The following NCOA1 variants were observed in gnomAD, a reference collection of about 807,000 sequenced individuals.
NCOA1 encodes Hin-2 protein.
NCOA1 carries 35 observed loss-of-function variants against 150.9 expected under a neutral mutation model. The observed-to-expected ratio is 0.23, with a 90% confidence interval of 0.18 to 0.31. The LOEUF (loss-of-function observed/expected upper bound fraction) is 0.31, where lower values mean the gene tolerates loss of function less well. Among genes scored for constraint, NCOA1 ranks in the 10% least tolerant of loss-of-function variants. NCOA1 has a pLI of 1.00. For synonymous variants in NCOA1, 590 were observed against 630.0 expected, an observed-to-expected ratio of 0.94 and a Z score of 0.95; for missense variants, 1,491 against 1,749.3, an observed-to-expected ratio of 0.85 and a Z score of 2.63.
chr2:24,658,335 C>T lies in NCOA1; in HGVS notation c.-17-326C>T, dbSNP rs951110205. On this transcript the variant is annotated intron_variant, in intron 4 of 22. Coordinates refer to ENST00000348332, the MANE Select transcript of NCOA1 (RefSeq NM_003743.5). ...TCAACATTCGGCTTCTACATTTACA[C>T]GTGAAAATGATTATTTTCTCTTTGG... Among the ~76,000 whole-genome samples, 12 of 152,118 alleles carry T rather than the reference C, an allele frequency of 7.9e-5. 1 individual carries two copies. Among genetic ancestry groups the T allele is most frequent in the Admixed American group, 7.2e-4 (11 of 15,288 alleles).
Position 24,492,965 on chromosome 2 carries a change from C to CAAAAAAAAA in NCOA1, c.-396+1364_-396+1372dup, listed in dbSNP as rs10630950. On this transcript the variant is annotated intron_variant, in intron 1 of 22. Coordinates refer to ENST00000348332, the MANE Select transcript of NCOA1 (RefSeq NM_003743.5). ...TCTGGAATTGGTTGGAGGCTAGTCT[C>CAAAAAAAAA]AAAAAAAAAGCAAACAAAACAACAA... Among the ~76,000 whole-genome samples the CAAAAAAAAA allele has an allele frequency of 2.9e-3, 418 of 145,164 alleles. 3 individuals are homozygous for CAAAAAAAAA. The highest frequency in any genetic ancestry group is 9.7e-3 in the South Asian group (45 of 4,660).
intron 8 of NCOA1, among the ~76,000 whole-genome samples, chr2:24,689,685 G>C (rs1025781): frequency 0.75 from 114,582 of 152,172 alleles, 45,038 homozygotes; most frequent in Non-Finnish European, 0.85. Flanking sequence ...GCCGCCACGC[G>C]TGGCACAAAT....
intron 19 of NCOA1, among the ~76,000 whole-genome samples, chr2:24,745,961 C>T (rs1394840401): frequency 6.6e-6 from 1 of 152,214 alleles, no homozygotes; most frequent in Non-Finnish European, 1.5e-5. Context: ...TATATCTCCT[C>T]TGCAGAGTCT....
rs1667205964 is a variant in NCOA1, at chr2:24,581,818, A to G, written c.-259-2658A>G. 2.0e-5 allele frequency among the ~76,000 whole-genome samples: 3 copies of G among 152,210 alleles called. No homozygotes were observed. The South Asian group carries it at 6.2e-4, about 32-fold the overall frequency. ...ATGGTTCAACATATGCAAATCAATA[A>G]AAGTGATTCATCATATCAACAGAAT... On this transcript the variant is annotated intron_variant, in intron 2 of 22. Coordinates refer to ENST00000348332, the MANE Select transcript of NCOA1 (RefSeq NM_003743.5).
chr2:24,605,875 C>G (rs1232038739), intron 3 of NCOA1, among the ~76,000 whole-genome samples: 1 of 152,162 alleles, frequency 6.6e-6, no homozygotes, highest in Non-Finnish European at 1.5e-5. Context: ...ATCTTTTGGC[C>G]AAGTTTTGTT....
At chr2:24,599,756 T>A (rs1029481014) in intron 3 of NCOA1, among the ~76,000 whole-genome samples, 1 of 142,432 alleles carries the variant, frequency 7.0e-6, no homozygotes, top group Non-Finnish European at 1.5e-5. Context: ...AGACCGAGTC[T>A]CACTCTTTTG....
At chr2:24,495,181 T>TTA (rs1663151925) in intron 1 of NCOA1, among the ~76,000 whole-genome samples, 1 of 151,660 alleles carries the variant, frequency 6.6e-6, no homozygotes, top group African/African-American at 2.4e-5. Flanking sequence ...GAAATGATTA[T>TTA]TATATATTTC....
Position 24,683,117 on chromosome 2 carries a change from C to T in NCOA1, c.521C>T (p.Pro174Leu). The change falls in exon 8 of 23, where the codon CCA becomes CTA. Residue 174 changes from proline (P) to leucine (L), a missense_variant. By Grantham distance (98) the Pro-to-Leu change is moderately conservative. This residue lies in a region of NCOA1 where 99 missense variants were observed against 122.8 expected (regional missense o/e 0.81). Coordinates refer to ENST00000348332, the MANE Select transcript of NCOA1 (RefSeq NM_003743.5). The part of the protein sequence containing the change: ...DHAEFVKNLL[P>L]KSLVNGVPWP... ...GCAGAATTTGTGAAGAATCTGCTACCAAAATCACTAGGTAAACAGAAATGT... is the reference window on the plus strand; with the variant it reads ...GCAGAATTTGTGAAGAATCTGCTACTAAAATCACTAGGTAAACAGAAATGT... 6 of 1,566,528 alleles carry T rather than the reference C, an allele frequency of 3.8e-6. No individual in the cohort carries two copies. Among genetic ancestry groups the T allele is most frequent in the Non-Finnish European group, 5.2e-6 (6 of 1,162,550 alleles).
intron 19 of NCOA1, among the ~76,000 whole-genome samples, chr2:24,748,357 A>G (rs1028642321): frequency 5.3e-5 from 8 of 152,186 alleles, no homozygotes; most frequent in Admixed American, 5.2e-4. Flanking sequence ...CACGCCTGTA[A>G]TCCCAGCACT....
intron 1 of NCOA1, among the ~76,000 whole-genome samples, chr2:24,547,032 A>G (rs1180722940): frequency 1.3e-5 from 2 of 152,222 alleles, no homozygotes; most frequent in Non-Finnish European, 2.9e-5. Flanking sequence ...GGACTGGGAA[A>G]TAAAGCCTCA....
chr2:24,717,023 C>T (rs535799052), intron 14 of NCOA1, among the ~76,000 whole-genome samples: 2 of 152,218 alleles, frequency 1.3e-5, no homozygotes, highest in East Asian at 3.9e-4. Flanking sequence ...AGACACCTCA[C>T]CAAAGAAGAT....
At chr2:24,585,643 A>G (rs1261549832) in intron 3 of NCOA1, among the ~76,000 whole-genome samples, 1 of 151,998 alleles carries the variant, frequency 6.6e-6, no homozygotes, top group African/African-American at 2.4e-5. Flanking sequence ...ATCTTTCATA[A>G]TTTTTATAAA....
rs1662943399 is a variant in NCOA1 at position 24,491,321 on chromosome 2, G to C, written c.-677G>C. On this transcript the variant is annotated 5_prime_UTR_variant, in exon 1 of 23. Coordinates refer to ENST00000348332, the MANE Select transcript of NCOA1 (RefSeq NM_003743.5). ...GAGCGGCTGAAATGCCTGTTCTTCA[G>C]GCCGGGCGAGCGGGAGTCTGACGCG... 6.8e-6 allele frequency among the ~76,000 whole-genome samples: 1 copy of C among 147,922 alleles called. No individual in the cohort carries two copies. Among genetic ancestry groups the C allele is most frequent in the African/African-American group, 2.4e-5 (1 of 41,042 alleles).
chr2:24,559,465 T>G (rs1666209739), intron 1 of NCOA1, among the ~76,000 whole-genome samples: 1 of 152,230 alleles, frequency 6.6e-6, no homozygotes, highest in Non-Finnish European at 1.5e-5. Context: ...TATTTCTCCT[T>G]ATGTTGTTGC....
intron 2 of NCOA1, among the ~76,000 whole-genome samples, chr2:24,583,081 C>G (rs1214766447): frequency 6.6e-6 from 1 of 152,020 alleles, no homozygotes; most frequent in Non-Finnish European, 1.5e-5. Flanking sequence ...TTATATCAAG[C>G]TAAAAAACCT....
intron 21 of NCOA1, among the ~76,000 whole-genome samples, chr2:24,758,567 G>A (rs1222895976): frequency 1.3e-5 from 2 of 151,970 alleles, no homozygotes; most frequent in Non-Finnish European, 2.9e-5. Flanking sequence ...CTGGGCTCAA[G>A]CAATCCTCCT....
rs1285722584 is a variant in NCOA1 at position 24,769,230 on chromosome 2, T to A, written c.*839T>A. On this transcript the variant is annotated 3_prime_UTR_variant, in exon 23 of 23. Coordinates refer to ENST00000348332, the MANE Select transcript of NCOA1 (RefSeq NM_003743.5). Reference sequence around the variant, plus strand: ...TAGCTAAAGTTATTTAAAATAAAATTAAATTTATGATCCAAGTAGCTTATT... The same window carrying A: ...TAGCTAAAGTTATTTAAAATAAAATAAAATTTATGATCCAAGTAGCTTATT... 4.7e-5 allele frequency: 9 copies of A among 190,094 alleles called. No homozygotes were observed. The East Asian group carries it at 7.6e-4, about 16-fold the overall frequency. 11.8% of individuals were successfully genotyped at this position (190,094 alleles called of 1,614,324 possible).
chr2:24,662,439 G>A (rs1263165317), intron 5 of NCOA1, among the ~76,000 whole-genome samples: 2 of 152,184 alleles, frequency 1.3e-5, no homozygotes, highest in Non-Finnish European at 2.9e-5. Context: ...GATGTTTTAA[G>A]GATACAAGTG....
chr2:24,546,206 TAA>T (rs201993579), intron 1 of NCOA1, among the ~76,000 whole-genome samples: 14 of 137,248 alleles, frequency 1.0e-4, no homozygotes, highest in East Asian at 2.0e-4. Context: ...TCCCATCTCT[TAA>T]AAAAAAAAAA....
Sources: allele counts gnomAD v4.1 joint callset (sites outside exome capture counted in the v4.1 genomes callset), GRCh38; gene constraint gnomAD v4.1.1; regional missense constraint gnomAD v4.1.1; transcripts MANE v1.5; gene names NCBI Gene and HGNC (gene_info 2026-07-23, HGNC 2026-07-21).